The following RPGRIP1 variants were observed in gnomAD, a reference collection of about 807,000 sequenced individuals.
RPGRIP1 encodes the protein RPGR interacting protein 1, also known as X-linked retinitis pigmentosa GTPase regulator-interacting protein 1.
Under a neutral mutation model 157.9 loss-of-function variants are expected in RPGRIP1, and 128 were observed. That is an observed-to-expected ratio of 0.81 (90% confidence interval 0.70 to 0.94). RPGRIP1 has a LOEUF of 0.94. RPGRIP1 is among the 40% of genes least tolerant of loss of function. The probability of loss-of-function intolerance (pLI) is 0.00; values close to 1 mark genes in which losing one functional copy is unlikely to be tolerated. For synonymous variants in RPGRIP1, 554 were observed against 571.6 expected, an observed-to-expected ratio of 0.97 and a Z score of 0.44; for missense variants, 1,486 against 1,545.8, an observed-to-expected ratio of 0.96 and a Z score of 0.65.
chr14:21,302,863 GTGT>G, intron 5 of RPGRIP1: 1 of 119,522 alleles, frequency 8.4e-6, no homozygotes, highest in Non-Finnish European at 1.7e-5. Flanking sequence ...TTCCTTTGTT[GTGT>G]TTTTTTTTTT....
rs780626446 is a variant in RPGRIP1, at chr14:21,310,928, A to G, written c.930+321A>G. 2.4e-5 allele frequency: 14 copies of G among 572,058 alleles called. No homozygotes were observed. In the Admixed American group the frequency reaches 2.6e-4, roughly 11 times the overall value. 35.4% of individuals were successfully genotyped at this position (572,058 alleles called of 1,614,324 possible). On this transcript the variant is annotated intron_variant, in intron 8 of 24. Coordinates refer to ENST00000400017, the MANE Select transcript of RPGRIP1 (RefSeq NM_020366.4). ...GTATTCTTCTAGCATGTGTGAGGTG[A>G]TGAGATATAACAAAGTTGTTGCAGG...
intron 24 of RPGRIP1, among the ~76,000 whole-genome samples, chr14:21,348,663 CTTTTT>C (rs10561385): frequency 2.4e-5 from 2 of 82,364 alleles, no homozygotes. Context: ...TGCATCCAGT[CTTTTT>C]TTTTTTTTTT....
At chr14:21,291,200 T>C (rs1303309394) in intron 2 of RPGRIP1, among the ~76,000 whole-genome samples, 3 of 152,148 alleles carry the variant, frequency 2.0e-5, no homozygotes, top group Non-Finnish European at 4.4e-5. Context: ...TTATTTGTCT[T>C]TATATTGTTG....
chr14:21,318,523 T>C lies in RPGRIP1; in HGVS notation c.1306+673T>C, dbSNP rs1171344462. Reference sequence around the variant, plus strand: ...GAGAGTCTCACTCTGTCACCCAGGCTGGAGTACAGTGATGCGATCTGGGCT... The same window carrying C: ...GAGAGTCTCACTCTGTCACCCAGGCCGGAGTACAGTGATGCGATCTGGGCT... On this transcript the variant is annotated intron_variant, in intron 11 of 24. Transcript: ENST00000400017. 2.0e-5 allele frequency among the ~76,000 whole-genome samples: 3 copies of C among 152,212 alleles called. No individual in the cohort carries two copies. In the South Asian group the frequency reaches 6.2e-4, roughly 32 times the overall value.
chr14:21,342,395 A>G (rs2139332835), intron 21 of RPGRIP1, among the ~76,000 whole-genome samples: 2 of 151,896 alleles, frequency 1.3e-5, no homozygotes, highest in African/African-American at 4.8e-5. Context: ...AAATAAAAAT[A>G]ATTGTCCCTA....
At chr14:21,283,173 G>A (rs1243450946) in intron 1 of RPGRIP1, among the ~76,000 whole-genome samples, 1 of 152,136 alleles carries the variant, frequency 6.6e-6, no homozygotes, top group Admixed American at 6.6e-5. Context: ...TTTGCAAATG[G>A]CTTCAGGTCC....
chr14:21,345,755 C>T (rs1011852112), intron 23 of RPGRIP1, among the ~76,000 whole-genome samples: 1 of 151,902 alleles, frequency 6.6e-6, no homozygotes, highest in Non-Finnish European at 1.5e-5. Flanking sequence ...CCTGATGGGC[C>T]CTTTTTTTGT....
At chr14:21,307,699 C>T in intron 6 of RPGRIP1, 32 bp from the exon 7 acceptor site, 1 of 1,323,724 alleles carries the variant, frequency 7.6e-7, no homozygotes, top group Non-Finnish European at 1.1e-6. Flanking sequence ...TATCCATGTT[C>T]AGACAGAATA....
intron 12 of RPGRIP1, 102 bp downstream of exon 12, chr14:21,320,279 T>A: frequency 1.8e-6 from 2 of 1,131,708 alleles, no homozygotes; most frequent in South Asian, 1.5e-5. Flanking sequence ...AATAATATTT[T>A]GTCCTGACTG....
intron 3 of RPGRIP1, among the ~76,000 whole-genome samples, chr14:21,300,131 A>G (rs1880960237): frequency 6.6e-6 from 1 of 152,198 alleles, no homozygotes; most frequent in Non-Finnish European, 1.5e-5. Flanking sequence ...CCCTGTCTCT[A>G]CTAAAAATAC....
intron 11 of RPGRIP1, chr14:21,318,080 G>T: frequency 1.5e-6 from 1 of 676,748 alleles, no homozygotes; most frequent in Non-Finnish European, 2.7e-6. Context: ...CTTTCCATTT[G>T]AGAAGATGCT....
chr14:21,320,757 A>T (rs1307889575), intron 12 of RPGRIP1, among the ~76,000 whole-genome samples: 1 of 150,874 alleles, frequency 6.6e-6, no homozygotes, highest in African/African-American at 2.4e-5. Context: ...TTGCCACCAC[A>T]GCCGGCTAAT....
At chr14:21,333,741 G>C (rs1884026686) in intron 20 of RPGRIP1, among the ~76,000 whole-genome samples, 1 of 152,030 alleles carries the variant, frequency 6.6e-6, no homozygotes, top group Admixed American at 6.6e-5. Context: ...TGGCATTTTT[G>C]TGTTCTGGCC....
chr14:21,299,853 G>A (rs945021528), intron 3 of RPGRIP1, among the ~76,000 whole-genome samples: 21 of 152,046 alleles, frequency 1.4e-4, no homozygotes, highest in African/African-American at 4.1e-4. Flanking sequence ...AAGTGTCAGC[G>A]TGGTTGGATC....
At chr14:21,286,912 G>A (rs1880318381) in intron 1 of RPGRIP1, among the ~76,000 whole-genome samples, 1 of 152,032 alleles carries the variant, frequency 6.6e-6, no homozygotes, top group African/African-American at 2.4e-5. Flanking sequence ...TTTAATCCTA[G>A]CACTTTGGGA....
chr14:21,310,465 ATTGAT>A (rs1194563585), intron 7 of RPGRIP1, 114 bp from the exon 8 acceptor site: 6 of 605,398 alleles, frequency 9.9e-6, no homozygotes, highest in East Asian at 3.3e-5. Flanking sequence ...AAGTACACAA[ATTGAT>A]TTGTTTTGTG....
At chr14:21,329,025 T>C (rs912278811) in intron 19 of RPGRIP1, among the ~76,000 whole-genome samples, 1 of 151,802 alleles carries the variant, frequency 6.6e-6, no homozygotes, top group African/African-American at 2.4e-5. Flanking sequence ...GTGCCTGTAA[T>C]CCCAGTTACT....
intron 1 of RPGRIP1, among the ~76,000 whole-genome samples, chr14:21,284,957 G>T (rs77286073): frequency 0.024 from 3,631 of 152,084 alleles, 64 homozygotes; most frequent in Non-Finnish European, 0.038. Flanking sequence ...TCTCTCTCTT[G>T]TTCGTTCATT....
intron 1 of RPGRIP1, among the ~76,000 whole-genome samples, 82 bp downstream of exon 1, chr14:21,280,241 C>CTTTTTTT (rs35642254): frequency 9.1e-6 from 1 of 109,358 alleles, no homozygotes. Context: ...TAAGTTTATT[C>CTTTTTTT]TTTTTTTTTT....
Sources: allele counts gnomAD v4.1 joint callset (sites outside exome capture counted in the v4.1 genomes callset), GRCh38; gene constraint gnomAD v4.1.1; transcripts MANE v1.5; gene names NCBI Gene and HGNC (gene_info 2026-07-23, HGNC 2026-07-21).